The following PCSK5 variants were observed in gnomAD, a reference collection of about 807,000 sequenced individuals.
PCSK5 encodes prohormone convertase 5.
In PCSK5, 129 loss-of-function variants were observed where a neutral mutation model predicts 233.2. That is an observed-to-expected ratio of 0.55 (90% CI 0.48 to 0.64). The LOEUF (loss-of-function observed/expected upper bound fraction) is 0.64, where lower values mean the gene tolerates loss of function less well. Among genes scored for constraint, PCSK5 ranks in the 30% least tolerant of loss-of-function variants. PCSK5 has a pLI of 0.00. For missense variants in PCSK5, 2,076 were observed against 2,430.1 expected (o/e 0.85, Z 3.06); for synonymous variants, 825 against 879.2 (o/e 0.94, Z 1.09).
chr9:76,108,208 T>A (rs1394985470), intron 9 of PCSK5, among the ~76,000 whole-genome samples: 3 of 152,166 alleles, frequency 2.0e-5, no homozygotes, highest in African/African-American at 7.2e-5. Flanking sequence ...TCTGAAAAAA[T>A]TTTGAATTCC....
At chr9:76,160,559 C>T (rs755069303) in intron 12 of PCSK5, among the ~76,000 whole-genome samples, 1 of 152,136 alleles carries the variant, frequency 6.6e-6, no homozygotes, top group Non-Finnish European at 1.5e-5. Context: ...ACCAGGTGAC[C>T]ATGGCAGAGG....
chr9:76,183,995 G>A (rs1465394448), intron 16 of PCSK5, among the ~76,000 whole-genome samples: 1 of 152,112 alleles, frequency 6.6e-6, no homozygotes, highest in East Asian at 1.9e-4. Flanking sequence ...AACTAGGAAA[G>A]CAAGTATTCA....
intron 12 of PCSK5, among the ~76,000 whole-genome samples, chr9:76,162,556 G>A (rs2131826404): frequency 6.6e-6 from 1 of 152,256 alleles, no homozygotes; most frequent in African/African-American, 2.4e-5. Flanking sequence ...AAAAAATGAA[G>A]AGGTCAGGTT....
Position 76,005,955 on chromosome 9 carries a change from C to T in PCSK5, c.412-17783C>T, listed in dbSNP as rs555598312. Among the ~76,000 whole-genome samples, 5 of 152,106 alleles carry T rather than the reference C, an allele frequency of 3.3e-5. No individual in the cohort carries two copies. In the East Asian group the frequency reaches 9.7e-4, roughly 29 times the overall value. ...CAGATTCCTGGGCTCAAGTGATCCT[C>T]CCACCTCAGCCTCCAAGTGACTGAG... is the stretch of plus-strand genomic sequence containing the variant. On this transcript the variant is annotated intron_variant, in intron 3 of 37. Coordinates refer to ENST00000674117, the MANE Select transcript of PCSK5 (RefSeq NM_001372043.1).
At chr9:75,925,274 A>G (rs1823434993) in intron 1 of PCSK5, among the ~76,000 whole-genome samples, 1 of 152,182 alleles carries the variant, frequency 6.6e-6, no homozygotes, top group Non-Finnish European at 1.5e-5. Flanking sequence ...CCTATGTTAC[A>G]TTATATGTCA....
At chr9:75,953,712 G>A (rs554493289) in intron 2 of PCSK5, among the ~76,000 whole-genome samples, 3 of 151,856 alleles carry the variant, frequency 2.0e-5, no homozygotes, top group African/African-American at 4.8e-5. Flanking sequence ...GCAAAATATC[G>A]TATTTGCTTT....
intron 12 of PCSK5, among the ~76,000 whole-genome samples, chr9:76,168,183 C>A (rs4745516): frequency 1.3e-5 from 2 of 152,268 alleles, no homozygotes; most frequent in East Asian, 1.9e-4. Flanking sequence ...ACAGAGTCTC[C>A]CTCTGTCATC....
intron 34 of PCSK5, among the ~76,000 whole-genome samples, chr9:76,337,377 T>C (rs1215895479): frequency 6.6e-6 from 1 of 151,956 alleles, no homozygotes; most frequent in Non-Finnish European, 1.5e-5. Context: ...ACCATGTTGA[T>C]TGACCAGGCT....
At chr9:76,258,251 T>G (rs1259652884) in intron 24 of PCSK5, among the ~76,000 whole-genome samples, 1 of 152,194 alleles carries the variant, frequency 6.6e-6, no homozygotes, top group Non-Finnish European at 1.5e-5. Flanking sequence ...TGGTAGAATT[T>G]TATGCCCTCA....
At chr9:76,319,728 G>A (rs768639274) in intron 30 of PCSK5, among the ~76,000 whole-genome samples, 3 of 152,092 alleles carry the variant, frequency 2.0e-5, no homozygotes, top group Admixed American at 6.6e-5. Flanking sequence ...GCAGTCATCC[G>A]GAGGCCTAAA....
chr9:76,043,105 G>C (rs1358734388), intron 5 of PCSK5, among the ~76,000 whole-genome samples: 2 of 152,262 alleles, frequency 1.3e-5, no homozygotes, highest in East Asian at 3.9e-4. Context: ...CCAGCACTTT[G>C]GGAGGCCGAG....
At chr9:76,112,508 A>G (rs1273723496) in intron 9 of PCSK5, among the ~76,000 whole-genome samples, 1 of 152,138 alleles carries the variant, frequency 6.6e-6, no homozygotes, top group East Asian at 1.9e-4. Context: ...AGACATATAC[A>G]CATTCACATG....
intron 2 of PCSK5, among the ~76,000 whole-genome samples, chr9:75,944,638 A>G (rs947171179): frequency 7.2e-5 from 11 of 151,966 alleles, no homozygotes; most frequent in African/African-American, 2.7e-4. Flanking sequence ...TTTCTCCCAC[A>G]TGTGTAAAGT....
intron 10 of PCSK5, among the ~76,000 whole-genome samples, chr9:76,146,887 G>A (rs979828221): frequency 2.0e-5 from 3 of 152,134 alleles, no homozygotes; most frequent in African/African-American, 7.2e-5. Flanking sequence ...ATACCATCTT[G>A]CTAATAAGAT....
At chr9:75,908,897 A>ATCTATCTATCTATCTATCTC (rs1822542118) in intron 1 of PCSK5, among the ~76,000 whole-genome samples, 1 of 127,532 alleles carries the variant, frequency 7.8e-6, no homozygotes, top group Non-Finnish European at 1.6e-5. Context: ...CTATCTATCT[A>ATCTATCTATCTATCTATCTC]TCTATCTATC....
chr9:76,044,637 A>G (rs527792504), intron 5 of PCSK5, among the ~76,000 whole-genome samples: 37 of 152,292 alleles, frequency 2.4e-4, no homozygotes, highest in African/African-American at 7.7e-4. Context: ...AACTTTTGGT[A>G]TTAGAGCTAA....
intron 20 of PCSK5, among the ~76,000 whole-genome samples, chr9:76,226,384 T>C (rs937785939): frequency 6.6e-6 from 1 of 152,152 alleles, no homozygotes; most frequent in Non-Finnish European, 1.5e-5. Context: ...GAGGGATGAA[T>C]TTCCCTCATT....
chr9:76,072,052 G>C (rs1830500315), intron 7 of PCSK5, among the ~76,000 whole-genome samples, 154 bp downstream of exon 7: 1 of 152,198 alleles, frequency 6.6e-6, no homozygotes, highest in African/African-American at 2.4e-5. Flanking sequence ...GTGAACATTT[G>C]GGATTGTGAG....
Position 76,310,683 on chromosome 9 carries a change from T to C in PCSK5, c.3716T>C (p.Val1239Ala). Residue 1239 changes from valine to alanine, a missense_variant, in exon 30 of 38, where the codon GTT becomes GCT. This residue lies in a region of PCSK5 where 1,510 missense variants were observed against 1,538.1 expected (regional missense o/e 0.98). Coordinates refer to ENST00000674117, the MANE Select transcript of PCSK5 (RefSeq NM_001372043.1). The part of the protein sequence containing the change: ...KGAYLLAQAC[V>A]SSCPQGTWPS... ...GCATATCTTCTGGCTCAGGCCTGTGTTTCCTCCTGTCCCCAAGGCACATGG... is the reference window on the plus strand; with the variant it reads ...GCATATCTTCTGGCTCAGGCCTGTGCTTCCTCCTGTCCCCAAGGCACATGG... 1 of 1,598,998 alleles carries C rather than the reference T, an allele frequency of 6.3e-7. No homozygotes were observed. The highest frequency in any genetic ancestry group is 8.5e-7 in the Non-Finnish European group (1 of 1,175,026).
Sources: gnomAD v4.1 joint callset for allele counts (sites outside exome capture counted in the v4.1 genomes callset) on GRCh38, gnomAD v4.1.1 for gene constraint, gnomAD v4.1.1 regional missense constraint, MANE v1.5 for transcripts, NCBI Gene and HGNC (gene_info 2026-07-23, HGNC 2026-07-21) for gene names.